The following SMARCC1 variants were observed in gnomAD, a reference collection of about 807,000 sequenced individuals.
SMARCC1 encodes the protein SWI/SNF complex subunit SMARCC1.
A neutral mutation model predicts 147.4 loss-of-function variants in SMARCC1; 43 were observed. The ratio of observed to expected loss-of-function variants is 0.29; its 90% CI spans 0.23 to 0.38. The LOEUF (loss-of-function observed/expected upper bound fraction) is 0.38, where lower values mean the gene tolerates loss of function less well. Ranked by LOEUF, SMARCC1 falls within the 10% of genes least tolerant of loss-of-function variation. SMARCC1 has a pLI of 1.00. For missense variants in SMARCC1, 1,119 were observed against 1,381.1 expected, an observed-to-expected ratio of 0.81 and a Z score of 3.01; for synonymous variants, 495 against 484.4, an observed-to-expected ratio of 1.02 and a Z score of -0.29.
chr3:47,590,862 G>A (rs767733933), intron 26 of SMARCC1, 25 bp from the exon 27 acceptor site: 2 of 1,587,278 alleles, frequency 1.3e-6, no homozygotes, highest in East Asian at 2.3e-5. Context: ...TTAAAGTACT[G>A]TAAGTATACT....
Position 47,678,312 on chromosome 3 carries a change from C to A in SMARCC1, c.1458-1G>T. The A allele has an allele frequency of 6.4e-7, 1 of 1,550,656 alleles. No homozygotes were observed. On this transcript the variant is annotated splice_acceptor_variant, in intron 15 of 27. Transcript: ENST00000254480. LOFTEE classifies it high-confidence loss of function. ...CATAAAATTTCGATATGCCAAGTATCTAAAAAGCAATGGCAAAATTCATAA... is the reference window on the plus strand; with the variant it reads ...CATAAAATTTCGATATGCCAAGTATATAAAAAGCAATGGCAAAATTCATAA...
At chr3:47,723,968 C>A (rs2034267354) in intron 6 of SMARCC1, among the ~76,000 whole-genome samples, 1 of 152,124 alleles carries the variant, frequency 6.6e-6, no homozygotes, top group African/African-American at 2.4e-5. Context: ...GATATATCAG[C>A]TTTTTATCTG....
chr3:47,765,308 AAG>A (rs961684352), intron 2 of SMARCC1, among the ~76,000 whole-genome samples: 3 of 152,026 alleles, frequency 2.0e-5, no homozygotes, highest in Non-Finnish European at 4.4e-5. Context: ...TGTGGGGAAA[AAG>A]AGGAGTTTAT....
intron 12 of SMARCC1, 25 bp downstream of exon 12, chr3:47,693,216 C>G (rs2033811293): frequency 1.5e-6 from 2 of 1,305,372 alleles, no homozygotes; most frequent in Non-Finnish European, 2.2e-6. Flanking sequence ...AAGCACAGAC[C>G]AGTGTATAGA....
chr3:47,688,439 T>C (rs2033755245), intron 13 of SMARCC1, among the ~76,000 whole-genome samples: 1 of 151,750 alleles, frequency 6.6e-6, no homozygotes, highest in African/African-American at 2.4e-5. Flanking sequence ...ATAAGGATCA[T>C]CTTAGGGAAT....
intron 21 of SMARCC1, among the ~76,000 whole-genome samples, chr3:47,643,738 AG>A (rs2033082085): frequency 6.6e-6 from 1 of 152,216 alleles, no homozygotes; most frequent in South Asian, 2.1e-4. Flanking sequence ...GGAAAGGGAA[AG>A]TGAGAGAAGA....
chr3:47,726,452 A>G (rs958936973), intron 6 of SMARCC1, among the ~76,000 whole-genome samples: 5 of 152,172 alleles, frequency 3.3e-5, no homozygotes, highest in African/African-American at 1.2e-4. Context: ...GCTTTATTCT[A>G]TTAATCAGTG....
intron 24 of SMARCC1, among the ~76,000 whole-genome samples, chr3:47,627,194 G>A (rs2032822742): frequency 6.6e-6 from 1 of 152,026 alleles, no homozygotes; most frequent in Non-Finnish European, 1.5e-5. Flanking sequence ...GTGGGTGCAA[G>A]CTGAAAGGGC....
chr3:47,640,548 A>G (rs1026555798), intron 21 of SMARCC1, among the ~76,000 whole-genome samples: 2 of 152,284 alleles, frequency 1.3e-5, no homozygotes, highest in East Asian at 1.9e-4. Flanking sequence ...GAAGAAAAAG[A>G]AGTCCTGAAT....
intron 8 of SMARCC1, among the ~76,000 whole-genome samples, chr3:47,712,586 A>G (rs2034100394): frequency 6.6e-6 from 1 of 152,202 alleles, no homozygotes; most frequent in African/African-American, 2.4e-5. Flanking sequence ...TAACTCTCCT[A>G]AGCACAGTGA....
chr3:47,714,592 ATCC>A, intron 7 of SMARCC1, 102 bp from the exon 8 acceptor site: 1 of 654,640 alleles, frequency 1.5e-6, no homozygotes, highest in Non-Finnish European at 2.7e-6. Context: ...TACTACTAAA[ATCC>A]CAGCCTGGTC....
intron 1 of SMARCC1, among the ~76,000 whole-genome samples, chr3:47,776,881 TCTC>T: frequency 1.3e-5 from 2 of 152,008 alleles, no homozygotes; most frequent in East Asian, 3.9e-4. Flanking sequence ...TTCAAGCAAT[TCTC>T]CTCCCTTAGC....
chr3:47,619,312 A>G (rs1051593260), intron 25 of SMARCC1, among the ~76,000 whole-genome samples: 1 of 152,206 alleles, frequency 6.6e-6, no homozygotes, highest in African/African-American at 2.4e-5. Context: ...GCACGCACTC[A>G]TTTAAGTAAG....
At chr3:47,705,340 AAAAC>A (rs1403554556) in intron 10 of SMARCC1, among the ~76,000 whole-genome samples, 4 of 151,396 alleles carry the variant, frequency 2.6e-5, no homozygotes, top group Non-Finnish European at 4.4e-5. Flanking sequence ...AAAAAAAAAA[AAAAC>A]GAACTATAAA....
At chr3:47,716,162 T>C (rs1459685544) in intron 7 of SMARCC1, among the ~76,000 whole-genome samples, 2 of 151,744 alleles carry the variant, frequency 1.3e-5, no homozygotes, top group Non-Finnish European at 2.9e-5. Flanking sequence ...ACGCCTGTAA[T>C]TCCAGCACTT....
chr3:47,689,836 TAAG>T (rs1248253773), intron 12 of SMARCC1, among the ~76,000 whole-genome samples: 1 of 152,154 alleles, frequency 6.6e-6, no homozygotes, highest in Admixed American at 6.5e-5. Context: ...CTAATCTTAG[TAAG>T]ACAATGCCTT....
intron 22 of SMARCC1, among the ~76,000 whole-genome samples, chr3:47,638,121 C>T (rs576292791): frequency 4.6e-5 from 7 of 152,262 alleles, no homozygotes; most frequent in South Asian, 4.1e-4. Flanking sequence ...GACAGAGTCT[C>T]GCTCTGTCGC....
At chr3:47,684,561 C>G (rs1386019588) in intron 14 of SMARCC1, among the ~76,000 whole-genome samples, 1 of 151,840 alleles carries the variant, frequency 6.6e-6, no homozygotes, top group African/African-American at 2.4e-5. Flanking sequence ...CTGCCTCAAC[C>G]TCCCAAGTAG....
At chr3:47,636,255 T>C in intron 22 of SMARCC1, 119 bp from the exon 23 acceptor site, 2 of 621,382 alleles carry the variant, frequency 3.2e-6, no homozygotes, top group Non-Finnish European at 5.7e-6. Context: ...ATAGACTAGA[T>C]TCAAAAGTGA....
Sources: allele counts gnomAD v4.1 joint callset (sites outside exome capture counted in the v4.1 genomes callset), GRCh38; gene constraint gnomAD v4.1.1; transcripts MANE v1.5; gene names NCBI Gene and HGNC (gene_info 2026-07-23, HGNC 2026-07-21).